The following HMGA2 variants were observed in gnomAD, a reference collection of about 807,000 sequenced individuals.
HMGA2 encodes high mobility group AT-hook 2, also known as high mobility group protein HMGI-C.
A neutral mutation model predicts 19.1 loss-of-function variants in HMGA2; 8 were observed. The observed-to-expected ratio is 0.42, with a 90% confidence interval of 0.25 to 0.76. The LOEUF (loss-of-function observed/expected upper bound fraction) is 0.76, where lower values mean the gene tolerates loss of function less well. Ranked by LOEUF, HMGA2 falls within the 30% of genes least tolerant of loss-of-function variation. HMGA2 has a pLI of 0.28. For synonymous variants in HMGA2, 60 were observed against 48.8 expected, an observed-to-expected ratio of 1.23 and a Z score of -0.96; for missense variants, 109 against 136.3, an observed-to-expected ratio of 0.80 and a Z score of 1.00.
intron 3 of HMGA2, chr12:65,867,514 A>T: frequency 2.2e-6 from 1 of 455,344 alleles, no homozygotes; most frequent in Non-Finnish European, 4.4e-6. Flanking sequence ...CTGTGAAAAG[A>T]CATAAAGGAA....
intron 3 of HMGA2, among the ~76,000 whole-genome samples, chr12:65,942,915 C>T (rs1876138382): frequency 6.6e-6 from 1 of 152,070 alleles, no homozygotes; most frequent in African/African-American, 2.4e-5. Flanking sequence ...TCTTCTACTT[C>T]GTCTTCAAAT....
Position 65,907,604 on chromosome 12 carries a change from C to A in HMGA2, c.250-43779C>A, listed in dbSNP as rs980102549. On this transcript the variant is annotated intron_variant, in intron 3 of 4. Transcript: ENST00000403681. ...TAGGAGGCCTATTCTTTGGGGAGTT[C>A]TTCATCAATGACAGCGATTTGAGAA... Among the ~76,000 whole-genome samples the A allele has an allele frequency of 3.9e-5, 6 of 152,012 alleles. No individual in the cohort carries two copies. The South Asian group carries it at 8.3e-4, about 21-fold the overall frequency.
chr12:65,861,589 T>A (rs1592395241), intron 3 of HMGA2, among the ~76,000 whole-genome samples: 1 of 149,696 alleles, frequency 6.7e-6, no homozygotes. Context: ...TAGTTTCATC[T>A]CGTTTTAGGT....
At chr12:65,960,307 A>C (rs1306277553) in intron 4 of HMGA2, among the ~76,000 whole-genome samples, 1 of 151,984 alleles carries the variant, frequency 6.6e-6, no homozygotes. Context: ...TCTCCATGTC[A>C]CCTGTTTCTG....
At chr12:65,952,435 G>T in intron 4 of HMGA2, 1 of 1,534,000 alleles carries the variant, frequency 6.5e-7, no homozygotes, top group African/African-American at 1.4e-5. Flanking sequence ...ACTTAGAAGA[G>T]AATTGAAACT....
chr12:65,855,233 G>C (rs1871670661), intron 3 of HMGA2, among the ~76,000 whole-genome samples: 2 of 152,112 alleles, frequency 1.3e-5, no homozygotes, highest in Admixed American at 6.5e-5. Context: ...CTTGCGGGCA[G>C]ATATTCACTG....
At chr12:65,861,906 G>A (rs1256681008) in intron 3 of HMGA2, among the ~76,000 whole-genome samples, 15 of 150,300 alleles carry the variant, frequency 1.0e-4, no homozygotes, top group East Asian at 3.9e-4. Flanking sequence ...GCGCAATGGC[G>A]CGATCTCGGC....
rs1364026747 is a variant in HMGA2, at chr12:65,855,154, C to T, written c.249+16585C>T. 7.9e-5 allele frequency among the ~76,000 whole-genome samples: 12 copies of T among 152,218 alleles called. No individual in the cohort carries two copies. In the South Asian group the frequency reaches 2.3e-3, roughly 29 times the overall value. Reference sequence around the variant, plus strand: ...GATATATTGAAACACATGCCTGTTTCGTCCTGAAGTTGTGGATGAATACCT... The same window carrying T: ...GATATATTGAAACACATGCCTGTTTTGTCCTGAAGTTGTGGATGAATACCT... On this transcript the variant is annotated intron_variant, in intron 3 of 4. Coordinates refer to ENST00000403681, the MANE Select transcript of HMGA2 (RefSeq NM_003483.6).
chr12:65,907,860 T>C (rs1306614647), intron 3 of HMGA2, among the ~76,000 whole-genome samples: 5 of 152,180 alleles, frequency 3.3e-5, no homozygotes, highest in African/African-American at 1.2e-4. Context: ...TTCCAGTCCT[T>C]CTACTGCTTC....
intron 3 of HMGA2, among the ~76,000 whole-genome samples, chr12:65,900,988 CT>C (rs1319134425): frequency 1.3e-5 from 2 of 152,120 alleles, no homozygotes; most frequent in Non-Finnish European, 2.9e-5. Context: ...TATTTATGCT[CT>C]TGATGTTATT....
chr12:65,861,624 A>AAG (rs576023213), intron 3 of HMGA2, among the ~76,000 whole-genome samples: 1 of 81,598 alleles, frequency 1.2e-5, no homozygotes, highest in African/African-American at 1.5e-4. Flanking sequence ...CTAAATTGGT[A>AAG]AAAAAAAAAA....
intron 4 of HMGA2, chr12:65,952,133 G>A (rs931106374): frequency 3.9e-5 from 18 of 463,154 alleles, no homozygotes; most frequent in South Asian, 8.9e-5. Flanking sequence ...CTAATAATGT[G>A]AGCCAGTATT....
At chr12:65,866,749 G>C (rs1453066630) in intron 3 of HMGA2, 1 of 451,380 alleles carries the variant, frequency 2.2e-6, no homozygotes, top group African/African-American at 2.0e-5. Flanking sequence ...AATGTGAATA[G>C]TCATTCTTCT....
intron 3 of HMGA2, among the ~76,000 whole-genome samples, chr12:65,915,980 C>G (rs781020860): frequency 4.6e-5 from 7 of 152,002 alleles, no homozygotes; most frequent in Non-Finnish European, 8.8e-5. Context: ...GGGTGACCAT[C>G]AGTCTTAAAT....
At chr12:65,843,000 A>G (rs1045245650) in intron 3 of HMGA2, 6 of 451,140 alleles carry the variant, frequency 1.3e-5, no homozygotes, top group African/African-American at 1.0e-4. Context: ...CCAAATAATG[A>G]AGACTACATC....
At chr12:65,936,680 T>C (rs779823824) in intron 3 of HMGA2, among the ~76,000 whole-genome samples, 50 of 152,328 alleles carry the variant, frequency 3.3e-4, no homozygotes, top group Non-Finnish European at 5.4e-4. Flanking sequence ...CCCTCCCTAG[T>C]GCTATTGAAT....
chr12:65,880,307 T>C (rs1351172595), intron 3 of HMGA2, among the ~76,000 whole-genome samples: 1 of 152,238 alleles, frequency 6.6e-6, no homozygotes, highest in Non-Finnish European at 1.5e-5. Context: ...AATGGCATGA[T>C]TGTTTTTTCC....
chr12:65,950,249 T>C (rs539419427), intron 3 of HMGA2, among the ~76,000 whole-genome samples: 1 of 152,344 alleles, frequency 6.6e-6, no homozygotes, highest in Admixed American at 6.5e-5. Flanking sequence ...AAAACGTGTA[T>C]ATAAATGTTC....
At chr12:65,892,123 G>A (rs1249668900) in intron 3 of HMGA2, among the ~76,000 whole-genome samples, 2 of 152,298 alleles carry the variant, frequency 1.3e-5, no homozygotes, top group East Asian at 3.9e-4. Flanking sequence ...GAGGCTGCTG[G>A]CAAAAACCTA....
Sources: allele counts gnomAD v4.1 joint callset (sites outside exome capture counted in the v4.1 genomes callset), GRCh38; gene constraint gnomAD v4.1.1; transcripts MANE v1.5; gene names NCBI Gene and HGNC (gene_info 2026-07-23, HGNC 2026-07-21).